Variants in TPST2 observed in about 807,000 individuals in gnomAD.
TPST2 encodes the protein protein-tyrosine sulfotransferase 2.
TPST2 carries 16 observed loss-of-function variants against 27.8 expected under a neutral mutation model. That is an observed-to-expected ratio of 0.58 (90% CI 0.39 to 0.88). The LOEUF (loss-of-function observed/expected upper bound fraction) is 0.88, where lower values mean the gene tolerates loss of function less well. TPST2 is among the 40% of genes least tolerant of loss of function. The pLI, the probability that TPST2 is intolerant of heterozygous loss-of-function variation, is 0.00. For synonymous variants in TPST2, 229 were observed against 231.7 expected, an observed-to-expected ratio of 0.99 and a Z score of 0.10; for missense variants, 464 against 543.1, an observed-to-expected ratio of 0.85 and a Z score of 1.45.
intron 3 of TPST2, among the ~76,000 whole-genome samples, chr22:26,537,123 A>G (rs1434875950): frequency 6.6e-6 from 1 of 152,258 alleles, no homozygotes. Flanking sequence ...AAAAAGTTAT[A>G]AAACACTAAT....
intron 3 of TPST2, 48 bp downstream of exon 3, chr22:26,540,740 CT>C: frequency 6.7e-7 from 1 of 1,502,410 alleles, no homozygotes; most frequent in Admixed American, 2.2e-5. Flanking sequence ...CCTGGCGCCT[CT>C]GACTCCAGGG....
intron 1 of TPST2, 137 bp from the exon 2 acceptor site, chr22:26,544,812 G>A (rs1317742221): frequency 7.1e-6 from 2 of 280,138 alleles, no homozygotes; most frequent in Non-Finnish European, 1.1e-5. Context: ...TGGAATGCAG[G>A]GGAGGCTGCT....
intron 1 of TPST2, among the ~76,000 whole-genome samples, chr22:26,545,839 G>GGAGGCA (rs1431957519): frequency 2.0e-5 from 3 of 152,200 alleles, no homozygotes; most frequent in Admixed American, 1.3e-4. Context: ...CAGCACTTTG[G>GGAGGCA]GAGGCAGAGG....
Position 26,523,394 on chromosome 22 carries a change from CCTT to C in TPST2, c.*2878_*2880del, listed in dbSNP as rs1291820083. On this transcript the variant is annotated 3_prime_UTR_variant, in exon 7 of 7. Transcript: ENST00000338754. ...GAGGAAGTACAAATAGAGCCACTTGCCTTCTTACTATCAATTCTGATTGTCCCA... is the reference window on the plus strand; with the variant it reads ...GAGGAAGTACAAATAGAGCCACTTGCCTTACTATCAATTCTGATTGTCCCA... The C allele has an allele frequency of 1.3e-5, 2 of 152,054 alleles. No homozygotes were observed. Among genetic ancestry groups the C allele is most frequent in the African/African-American group, 4.8e-5 (2 of 41,380 alleles). 9.4% of individuals were successfully genotyped at this position (152,054 alleles called of 1,614,324 possible).
At chr22:26,581,276 G>T (rs927068267) in intron 1 of TPST2, among the ~76,000 whole-genome samples, 1 of 152,104 alleles carries the variant, frequency 6.6e-6, no homozygotes, top group Non-Finnish European at 1.5e-5. Flanking sequence ...CCCCCAAGGT[G>T]CTTAGCATCC....
intron 1 of TPST2, among the ~76,000 whole-genome samples, chr22:26,559,458 A>C (rs1284305673): frequency 6.7e-6 from 1 of 148,162 alleles, no homozygotes; most frequent in African/African-American, 2.4e-5. Flanking sequence ...TGTGCAGAGT[A>C]GTACACTCAC....
At chr22:26,548,828 T>C (rs1926282311) in intron 1 of TPST2, among the ~76,000 whole-genome samples, 1 of 151,496 alleles carries the variant, frequency 6.6e-6, no homozygotes, top group Non-Finnish European at 1.5e-5. Flanking sequence ...ATTAGCCAGG[T>C]GTGGTGGTGC....
At position 26,525,271 on chromosome 22, in the gene TPST2, C is replaced by T. The variant is rs1204905599; in HGVS notation, c.*1004G>A. On this transcript the variant is annotated 3_prime_UTR_variant, in exon 7 of 7. Coordinates refer to ENST00000338754, the MANE Select transcript of TPST2 (RefSeq NM_003595.5). The stretch of plus-strand genomic sequence containing the variant: ...TTTGAGATGGAGTCTTGCTCTGTCA[C>T]CCAGGCTGGAGTATAATGGCACGAT... 2.0e-5 allele frequency: 3 copies of T among 152,274 alleles called. No homozygotes were observed. 9.4% of individuals were successfully genotyped at this position (152,274 alleles called of 1,614,324 possible).
chr22:26,573,429 G>C (rs1927710774), intron 1 of TPST2, among the ~76,000 whole-genome samples: 2 of 152,216 alleles, frequency 1.3e-5, no homozygotes, highest in African/African-American at 4.8e-5. Context: ...TTCCACACAA[G>C]ATGTGACTCT....
At chr22:26,529,340 G>A (rs1191911896) in intron 5 of TPST2, among the ~76,000 whole-genome samples, 5 of 152,086 alleles carry the variant, frequency 3.3e-5, no homozygotes, top group African/African-American at 1.2e-4. Context: ...ATGTTGGCCC[G>A]GCTGGTTTTG....
chr22:26,587,328 T>C (rs1196485049), intron 1 of TPST2, among the ~76,000 whole-genome samples: 5 of 152,168 alleles, frequency 3.3e-5, no homozygotes, highest in African/African-American at 1.2e-4. Context: ...CACTGGGTCC[T>C]ACACTGCCTC....
chr22:26,550,231 T>C (rs1464767244), intron 1 of TPST2, among the ~76,000 whole-genome samples: 2 of 152,058 alleles, frequency 1.3e-5, no homozygotes, highest in East Asian at 1.9e-4. Context: ...CTGCTCAAGA[T>C]ACTGGGATAC....
At chr22:26,585,038 A>C (rs374154131) in intron 1 of TPST2, among the ~76,000 whole-genome samples, 38 of 152,308 alleles carry the variant, frequency 2.5e-4, no homozygotes, top group East Asian at 1.5e-3. Flanking sequence ...TCCATCCAGC[A>C]CCCCTGGAAG....
At chr22:26,572,936 C>T (rs1358778585) in intron 1 of TPST2, among the ~76,000 whole-genome samples, 2 of 152,236 alleles carry the variant, frequency 1.3e-5, no homozygotes, top group East Asian at 3.9e-4. Context: ...CAGAAAGATG[C>T]GCCTGAGTTT....
Position 26,581,118 on chromosome 22 carries a change from C to T in TPST2, c.-161+8935G>A, listed in dbSNP as rs141527302. Among the ~76,000 whole-genome samples, 872 of 152,192 alleles carry T rather than the reference C, an allele frequency of 5.7e-3. 9 individuals carry two copies. The highest frequency in any genetic ancestry group is 0.017 in the Middle Eastern group (5 of 294). On this transcript the variant is annotated intron_variant, in intron 1 of 6. Transcript: ENST00000338754. ...TACCAAACATACCAGGCCACAGAGT[C>T]TCACACCTCCAAACTTTTGCACTTG... is the stretch of plus-strand genomic sequence containing the variant.
chr22:26,540,054 C>G (rs886113847), intron 3 of TPST2, among the ~76,000 whole-genome samples: 5 of 152,292 alleles, frequency 3.3e-5, no homozygotes, highest in African/African-American at 9.6e-5. Flanking sequence ...AAAGCAGTAT[C>G]AACACTAAAA....
chr22:26,582,980 G>A (rs565610006), intron 1 of TPST2, among the ~76,000 whole-genome samples: 36 of 152,012 alleles, frequency 2.4e-4, no homozygotes, highest in Admixed American at 1.8e-3. Context: ...TATGCAATGG[G>A]GACAACCTCC....
intron 1 of TPST2, among the ~76,000 whole-genome samples, chr22:26,547,157 C>T (rs931362140): frequency 2.0e-5 from 3 of 152,060 alleles, no homozygotes; most frequent in African/African-American, 4.8e-5. Flanking sequence ...GCATGATCTT[C>T]GTTCACTGCA....
At chr22:26,555,403 C>T (rs1344885029) in intron 1 of TPST2, 2 of 370,194 alleles carry the variant, frequency 5.4e-6, no homozygotes, top group Non-Finnish European at 1.1e-5. Context: ...CAGACCCAGG[C>T]GATCTTGGTG....
Sources: gnomAD v4.1 joint callset for allele counts (sites outside exome capture counted in the v4.1 genomes callset) on GRCh38, gnomAD v4.1.1 for gene constraint, MANE v1.5 for transcripts, NCBI Gene and HGNC (gene_info 2026-07-23, HGNC 2026-07-21) for gene names.